Variants in OSBPL9 observed in about 807,000 individuals in gnomAD.
The protein encoded by OSBPL9 is oxysterol-binding protein-related protein 9.
A neutral mutation model predicts 106.6 loss-of-function variants in OSBPL9; 40 were observed. That is an observed-to-expected ratio of 0.38 (90% confidence interval 0.29 to 0.49). The LOEUF (loss-of-function observed/expected upper bound fraction) is 0.49. Among genes scored for constraint, OSBPL9 ranks in the 20% least tolerant of loss-of-function variants. The pLI is 0.97. For missense variants in OSBPL9, 609 were observed against 887.2 expected, an observed-to-expected ratio of 0.69 and a Z score of 3.98; for synonymous variants, 269 against 295.4, an observed-to-expected ratio of 0.91 and a Z score of 0.92.
chr1:51,560,191 G>A, the OSBPL9 span, among the ~76,000 whole-genome samples: 6 of 152,226 alleles, frequency 3.9e-5, no homozygotes, highest in East Asian at 1.9e-4. Context: ...ACTGAGACAC[G>A]TGGCCATGGG....
chr1:51,782,392 G>A (rs1676591599), intron 16 of OSBPL9, among the ~76,000 whole-genome samples, 167 bp from the exon 17 acceptor site: 1 of 152,154 alleles, frequency 6.6e-6, no homozygotes, highest in South Asian at 2.1e-4. Context: ...TCTAGTCAGG[G>A]AGACTGACAC....
intron 11 of OSBPL9, among the ~76,000 whole-genome samples, chr1:51,763,096 C>T (rs1671871748): frequency 6.6e-6 from 1 of 152,158 alleles, no homozygotes. Flanking sequence ...CCCTCCACTT[C>T]CTGGGTTGAG....
intron 2 of OSBPL9, among the ~76,000 whole-genome samples, chr1:51,605,747 C>A (rs1172496371): frequency 1.3e-5 from 2 of 152,094 alleles, no homozygotes; most frequent in African/African-American, 4.8e-5. Flanking sequence ...CTTTGGGAGG[C>A]TGAGGTGGAC....
chr1:51,581,031 T>A (rs1645219150), intron 1 of OSBPL9, among the ~76,000 whole-genome samples: 1 of 144,128 alleles, frequency 6.9e-6, no homozygotes, highest in South Asian at 2.2e-4. Context: ...TGCAACCTTG[T>A]CTGTCAGGTT....
At position 51,761,168 on chromosome 1, in the gene OSBPL9, A is replaced by G. The variant is rs190405016; in HGVS notation, c.673+388A>G. ...TGTAGCTCTGAACAATACAAATGGT[A>G]TGTTCATGGTAGATTTTAAGATAAT... On this transcript the variant is annotated intron_variant, in intron 10 of 23. Coordinates refer to ENST00000428468, the MANE Select transcript of OSBPL9 (RefSeq NM_024586.6). 1.4e-3 allele frequency among the ~76,000 whole-genome samples: 215 copies of G among 151,936 alleles called. 1 individual carries two copies. The highest frequency in any genetic ancestry group is 2.4e-3 in the Non-Finnish European group (161 of 67,974).
chr1:51,565,053 T>C, the OSBPL9 span, among the ~76,000 whole-genome samples: 3 of 152,036 alleles, frequency 2.0e-5, no homozygotes, highest in African/African-American at 7.2e-5. Flanking sequence ...CCACCAAGGA[T>C]TGGGGCCCTT....
At chr1:51,711,931 A>G (rs1170004992) in intron 3 of OSBPL9, among the ~76,000 whole-genome samples, 174 of 146,658 alleles carry the variant, frequency 1.2e-3, no homozygotes, top group Non-Finnish European at 2.1e-3. Flanking sequence ...TTTCCAGACT[A>G]GGCAGCCAGG....
intron 16 of OSBPL9, 177 bp downstream of exon 16, chr1:51,781,512 T>A: frequency 1.6e-6 from 1 of 616,454 alleles, no homozygotes; most frequent in Non-Finnish European, 2.8e-6. Context: ...AAGAGTAGGA[T>A]GAGATGAGGA....
intron 1 of OSBPL9, chr1:51,597,985 G>A (rs1007956716): frequency 3.9e-5 from 6 of 152,230 alleles, no homozygotes; most frequent in African/African-American, 1.4e-4. Context: ...AAGAAGCCTG[G>A]TTTTGGTGCC....
rs756872212 is a variant in OSBPL9, at chr1:51,765,858, C to T, written c.815C>T (p.Ser272Phe). Reference sequence around the variant, plus strand: ...TCACCACCGAGTAGCAGTCTCACTTCTCCAAGCCACGTGAACTTGTCTCCA... The same window carrying T: ...TCACCACCGAGTAGCAGTCTCACTTTTCCAAGCCACGTGAACTTGTCTCCA... ...GHSPPSSSLT[S>F]PSHVNLSPNT... is the part of the protein sequence containing the mutation. The change falls in exon 12 of 24, where the codon TCT becomes TTT. Residue 272 changes from serine to phenylalanine, a missense_variant. Transcript: ENST00000428468. 6.2e-7 allele frequency: 1 copy of T among 1,614,052 alleles called. No homozygotes were observed. The highest frequency in any genetic ancestry group is 8.5e-7 in the Non-Finnish European group (1 of 1,179,956).
At chr1:51,708,710 T>G (rs894956103) in intron 3 of OSBPL9, among the ~76,000 whole-genome samples, 2 of 152,204 alleles carry the variant, frequency 1.3e-5, no homozygotes, top group African/African-American at 2.4e-5. Context: ...TCGATTTCTT[T>G]TTTCTCCTTT....
chr1:51,676,334 G>A (rs1224941967), intron 3 of OSBPL9, among the ~76,000 whole-genome samples: 1 of 151,882 alleles, frequency 6.6e-6, no homozygotes, highest in African/African-American at 2.4e-5. Context: ...GGAGGCTAAG[G>A]CTGGAGAATT....
rs1298403854 is a variant in OSBPL9 at position 51,768,010 on chromosome 1, T to C, written c.938+2029T>C. On this transcript the variant is annotated intron_variant, in intron 12 of 23. Transcript: ENST00000428468. Reference sequence around the variant, plus strand: ...AGGCTGGAGTGCAGTGGCGCCATCTTGGCTCACTGCAAGCTCCGCCTCCCG... The same window carrying C: ...AGGCTGGAGTGCAGTGGCGCCATCTCGGCTCACTGCAAGCTCCGCCTCCCG... Among the ~76,000 whole-genome samples the C allele has an allele frequency of 3.5e-5, 5 of 144,374 alleles. No individual in the cohort carries two copies. The South Asian group carries it at 9.2e-4, about 27-fold the overall frequency. The allele number at this position is 144,374 out of a possible 152,430, so 94.7% of individuals were successfully genotyped here.
chr1:51,695,813 A>G (rs919844074), intron 3 of OSBPL9, among the ~76,000 whole-genome samples: 1 of 152,226 alleles, frequency 6.6e-6, no homozygotes, highest in Non-Finnish European at 1.5e-5. Flanking sequence ...TACATGTTAT[A>G]TGCTTAGAAC....
At chr1:51,557,375 T>A in the OSBPL9 span, among the ~76,000 whole-genome samples, 1 of 152,202 alleles carries the variant, frequency 6.6e-6, no homozygotes, top group Non-Finnish European at 1.5e-5. Context: ...TTGTCAGCAG[T>A]CTTGTTAGGA....
intron 1 of OSBPL9, among the ~76,000 whole-genome samples, chr1:51,633,792 A>T (rs1170426287): frequency 6.6e-6 from 1 of 151,922 alleles, no homozygotes; most frequent in East Asian, 1.9e-4. Context: ...AGCTAATTTT[A>T]AAAAAACCAT....
chr1:51,678,205 G>A (rs978539891), intron 3 of OSBPL9, among the ~76,000 whole-genome samples: 1 of 151,862 alleles, frequency 6.6e-6, no homozygotes, highest in African/African-American at 2.4e-5. Context: ...ATACGTTTTA[G>A]TATGAAATTG....
At position 51,647,142 on chromosome 1, in the gene OSBPL9, A is replaced by AT. The variant is rs200082417; in HGVS notation, c.112-4842dup. On this transcript the variant is annotated intron_variant, in intron 1 of 23. Coordinates refer to ENST00000428468, the MANE Select transcript of OSBPL9 (RefSeq NM_024586.6). Reference sequence around the variant, plus strand: ...GGTTTTTATCATGAAATGGTGTTAGATTTTTTTAAAAGTACGTTTTCTGTG... The same window carrying AT: ...GGTTTTTATCATGAAATGGTGTTAGATTTTTTTTAAAAGTACGTTTTCTGTG... Among the ~76,000 whole-genome samples, 730 of 152,120 alleles carry AT rather than the reference A, an allele frequency of 4.8e-3. 2 individuals are homozygous for AT. Among genetic ancestry groups the AT allele is most frequent in the African/African-American group, 0.017 (694 of 41,488 alleles).
At chr1:51,732,152 A>AT (rs1664601421) in intron 4 of OSBPL9, among the ~76,000 whole-genome samples, 1 of 152,214 alleles carries the variant, frequency 6.6e-6, no homozygotes, top group South Asian at 2.1e-4. Context: ...AAAGAGCATT[A>AT]TTTTGTTAGC....
Sources: gnomAD v4.1 joint callset for allele counts (sites outside exome capture counted in the v4.1 genomes callset) on GRCh38, gnomAD v4.1.1 for gene constraint, MANE v1.5 for transcripts, NCBI Gene and HGNC (gene_info 2026-07-23, HGNC 2026-07-21) for gene names.